The following MGAT5 variants were observed in gnomAD, a reference collection of about 807,000 sequenced individuals.
The protein encoded by MGAT5 is alpha-1,6-mannosylglycoprotein 6-beta-N-acetylglucosaminyltransferase A.
MGAT5 carries 30 observed loss-of-function variants against 94.3 expected under a neutral mutation model. The observed-to-expected ratio is 0.32, with a 90% CI of 0.24 to 0.43. The LOEUF (loss-of-function observed/expected upper bound fraction) is 0.43. Among genes scored for constraint, MGAT5 ranks in the 20% least tolerant of loss-of-function variants. MGAT5 has a pLI of 1.00. For missense variants in MGAT5, 691 were observed against 905.5 expected (o/e 0.76, Z 3.04); for synonymous variants, 310 against 322.9 (o/e 0.96, Z 0.43).
chr2:134,285,604 A>C (rs1409909489), intron 2 of MGAT5, among the ~76,000 whole-genome samples: 1 of 152,216 alleles, frequency 6.6e-6, no homozygotes, highest in Non-Finnish European at 1.5e-5. Flanking sequence ...GACTGTAACC[A>C]GTCTGTCTTC....
intron 14 of MGAT5, among the ~76,000 whole-genome samples, chr2:134,434,717 A>C (rs1388169658): frequency 6.6e-6 from 1 of 152,122 alleles, no homozygotes; most frequent in Non-Finnish European, 1.5e-5. Context: ...TATCTCCTGG[A>C]AGCCTTCTCT....
intron 10 of MGAT5, among the ~76,000 whole-genome samples, chr2:134,375,154 C>A (rs528207413): frequency 6.6e-6 from 1 of 152,322 alleles, no homozygotes; most frequent in African/African-American, 2.4e-5. Flanking sequence ...GTGTTCCAGG[C>A]ATGGCCTTCA....
intron 1 of MGAT5, among the ~76,000 whole-genome samples, chr2:134,130,114 G>C (rs550835796): frequency 6.6e-6 from 1 of 151,690 alleles, no homozygotes; most frequent in East Asian, 2.0e-4. Context: ...CTGCCGGCCC[G>C]TCCGCACCAG....
intron 1 of MGAT5, among the ~76,000 whole-genome samples, chr2:134,264,019 T>G (rs897761362): frequency 2.3e-5 from 3 of 133,210 alleles, no homozygotes; most frequent in Non-Finnish European, 4.7e-5. Flanking sequence ...GCCATTAGGT[T>G]TTTTTTTTTT....
At chr2:134,408,852 C>T (rs1683487528) in intron 11 of MGAT5, among the ~76,000 whole-genome samples, 1 of 152,136 alleles carries the variant, frequency 6.6e-6, no homozygotes, top group African/African-American at 2.4e-5. Context: ...ATGCCTATTA[C>T]CAGAAACATT....
intron 1 of MGAT5, among the ~76,000 whole-genome samples, chr2:134,167,643 T>A (rs1688021936): frequency 6.6e-6 from 1 of 152,254 alleles, no homozygotes; most frequent in Admixed American, 6.5e-5. Flanking sequence ...AATACCCTGG[T>A]GCTTGTTAAA....
At chr2:134,189,974 C>G (rs1395679168) in intron 1 of MGAT5, among the ~76,000 whole-genome samples, 1 of 152,036 alleles carries the variant, frequency 6.6e-6, no homozygotes, top group Non-Finnish European at 1.5e-5. Context: ...TTATGGTGAC[C>G]TTTTACTAAA....
intron 1 of MGAT5, among the ~76,000 whole-genome samples, chr2:134,146,336 T>C (rs1017070303): frequency 6.6e-6 from 1 of 152,014 alleles, no homozygotes; most frequent in Non-Finnish European, 1.5e-5. Context: ...GGTGGGAGGA[T>C]TGCTTCAGCC....
chr2:134,294,006 G>A (rs1224649945), intron 2 of MGAT5, among the ~76,000 whole-genome samples: 1 of 152,164 alleles, frequency 6.6e-6, no homozygotes, highest in East Asian at 1.9e-4. Flanking sequence ...CAGACTCCTC[G>A]TAGTTGTTTT....
Position 134,422,792 on chromosome 2 carries a change from T to C in MGAT5, c.1678-11T>C, listed in dbSNP as rs1161168591. On this transcript the variant is annotated splice_polypyrimidine_tract_variant and intron_variant, in intron 12 of 15. Transcript: ENST00000281923. ...TTGCTTGTGAGACTGAGGTGTTCGGTTCTTTTCCAGCTGACATCCCAGCAT... is the reference window on the plus strand; with the variant it reads ...TTGCTTGTGAGACTGAGGTGTTCGGCTCTTTTCCAGCTGACATCCCAGCAT... 6.2e-7 allele frequency: 1 copy of C among 1,611,872 alleles called. No individual in the cohort carries two copies. Among genetic ancestry groups the C allele is most frequent in the Admixed American group, 1.7e-5 (1 of 59,992 alleles).
At chr2:134,190,731 A>G (rs894959185) in intron 1 of MGAT5, among the ~76,000 whole-genome samples, 14 of 151,786 alleles carry the variant, frequency 9.2e-5, no homozygotes, top group African/African-American at 2.9e-4. Context: ...TGCAGCCTCA[A>G]CCTCCCCAGG....
chr2:134,220,541 A>G (rs565001308), intron 1 of MGAT5, among the ~76,000 whole-genome samples: 1 of 152,176 alleles, frequency 6.6e-6, no homozygotes, highest in Admixed American at 6.5e-5. Flanking sequence ...CTGATTTGTG[A>G]TGGCTTAGCC....
At chr2:134,303,157 T>G (rs989345338) in intron 2 of MGAT5, among the ~76,000 whole-genome samples, 1 of 152,162 alleles carries the variant, frequency 6.6e-6, no homozygotes, top group Non-Finnish European at 1.5e-5. Context: ...GTAATTTCCT[T>G]TTTTGTTTTT....
chr2:134,397,309 G>C (rs1274433278), intron 10 of MGAT5, among the ~76,000 whole-genome samples: 2 of 152,156 alleles, frequency 1.3e-5, no homozygotes, highest in East Asian at 3.9e-4. Flanking sequence ...GCTGCAGAAG[G>C]AGTTGCAAAT....
intron 1 of MGAT5, among the ~76,000 whole-genome samples, chr2:134,129,441 G>C (rs1383182680): frequency 6.6e-6 from 1 of 152,198 alleles, no homozygotes; most frequent in Non-Finnish European, 1.5e-5. Flanking sequence ...CCGGGGATTA[G>C]TATATGATGA....
At chr2:134,249,998 T>C (rs1682500207), upstream of MGAT5, among the ~76,000 whole-genome samples, 1 of 152,378 alleles carries the variant, frequency 6.6e-6, no homozygotes, top group South Asian at 2.1e-4. Context: ...TTTCCTCTAA[T>C]GACTAATGAT....
At chr2:134,412,150 T>G (rs1683704163) in intron 11 of MGAT5, among the ~76,000 whole-genome samples, 1 of 152,142 alleles carries the variant, frequency 6.6e-6, no homozygotes, top group East Asian at 1.9e-4. Context: ...CTGCTGTGGT[T>G]GCTCTGAGGA....
In MGAT5 at chr2:134,379,076, G is replaced by A. The variant is rs150236954; in HGVS notation, c.1380+16668G>A. The stretch of plus-strand genomic sequence containing the variant: ...TCTAAATCCTCATGATAACATGGAT[G>A]TCTCAGGCCTTCTGGCTTTTTCTCC... On this transcript the variant is annotated intron_variant, in intron 10 of 15. Transcript: ENST00000281923. Among the ~76,000 whole-genome samples, 1,028 of 152,296 alleles carry A rather than the reference G, an allele frequency of 6.8e-3. 8 individuals are homozygous for A. The highest frequency in any genetic ancestry group is 0.019 in the African/African-American group (787 of 41,556).
At chr2:134,328,391 G>C (rs1177971471) in intron 4 of MGAT5, among the ~76,000 whole-genome samples, 2 of 152,040 alleles carry the variant, frequency 1.3e-5, no homozygotes, top group African/African-American at 2.4e-5. Context: ...CTGATTTGCT[G>C]TCTGGATCCC....
Sources: allele counts gnomAD v4.1 joint callset (sites outside exome capture counted in the v4.1 genomes callset), GRCh38; gene constraint gnomAD v4.1.1; transcripts MANE v1.5; gene names NCBI Gene and HGNC (gene_info 2026-07-23, HGNC 2026-07-21).